Variants in NRXN1 observed in about 807,000 individuals in gnomAD.
NRXN1 encodes the protein neurexin 1.
NRXN1 carries 39 observed loss-of-function variants against 150.9 expected under a neutral mutation model. That is an observed-to-expected ratio of 0.26 (90% confidence interval 0.20 to 0.34). The LOEUF is 0.34. Ranked by LOEUF, NRXN1 falls within the 10% of genes least tolerant of loss-of-function variation. The probability of loss-of-function intolerance (pLI) is 1.00; values close to 1 mark genes in which losing one functional copy is unlikely to be tolerated. For missense variants in NRXN1, 1,815 were observed against 1,949.9 expected (o/e 0.93, Z 1.30); for synonymous variants, 924 against 757.0 (o/e 1.22, Z -3.62).
At chr2:50,790,646 ATGCAGGT>A (rs1554081860) in intron 5 of NRXN1, among the ~76,000 whole-genome samples, 1 of 152,196 alleles carries the variant, frequency 6.6e-6, no homozygotes, top group Non-Finnish European at 1.5e-5. Flanking sequence ...ATAGTGTAAA[ATGCAGGT>A]TGAGTATTCC....
chr2:50,292,889 T>G (rs991095677), intron 17 of NRXN1, among the ~76,000 whole-genome samples: 23 of 152,166 alleles, frequency 1.5e-4, no homozygotes, highest in Admixed American at 1.4e-3. Flanking sequence ...CATTCAGAAC[T>G]ACAATCAGTG....
intron 17 of NRXN1, among the ~76,000 whole-genome samples, chr2:50,326,833 T>C (rs1397471694): frequency 6.6e-6 from 1 of 152,196 alleles, no homozygotes; most frequent in East Asian, 1.9e-4. Flanking sequence ...ATTTACTGTG[T>C]TGAAACTAGG....
At chr2:50,243,784 G>T (rs1285289457) in intron 17 of NRXN1, among the ~76,000 whole-genome samples, 2 of 151,784 alleles carry the variant, frequency 1.3e-5, no homozygotes, top group African/African-American at 4.8e-5. Context: ...AAGTCTGAAA[G>T]CAGAAGAGTA....
intron 5 of NRXN1, among the ~76,000 whole-genome samples, chr2:50,812,052 G>GC (rs1472124876): frequency 6.6e-6 from 1 of 151,832 alleles, no homozygotes; most frequent in Non-Finnish European, 1.5e-5. Context: ...TCTTACCTCT[G>GC]CATGTGTGCA....
intron 22 of NRXN1, among the ~76,000 whole-genome samples, chr2:49,925,311 T>G (rs1052425857): frequency 2.0e-5 from 3 of 146,980 alleles, no homozygotes; most frequent in African/African-American, 7.5e-5. Flanking sequence ...AAGAAAGAAA[T>G]ATTTATGTAT....
At chr2:50,455,718 C>G (rs1438702846) in intron 17 of NRXN1, among the ~76,000 whole-genome samples, 1 of 152,176 alleles carries the variant, frequency 6.6e-6, no homozygotes, top group South Asian at 2.1e-4. Flanking sequence ...ATGGACCCCA[C>G]AGTTTCAGCA....
At chr2:50,500,067 C>T (rs1558838512) in intron 13 of NRXN1, among the ~76,000 whole-genome samples, 1 of 151,926 alleles carries the variant, frequency 6.6e-6, no homozygotes, top group South Asian at 2.1e-4. Context: ...CTGAAACTGT[C>T]ATGTTTCATC....
chr2:50,625,430 C>G (rs1680843221), intron 5 of NRXN1, among the ~76,000 whole-genome samples: 1 of 152,092 alleles, frequency 6.6e-6, no homozygotes, highest in Admixed American at 6.6e-5. Flanking sequence ...ATAGGAAAGA[C>G]CTCCCAATCT....
chr2:50,169,728 AG>A (rs765300025), intron 18 of NRXN1, among the ~76,000 whole-genome samples: 29,636 of 137,268 alleles, frequency 0.22, 4,118 homozygotes, highest in African/African-American at 0.39. Context: ...AAAAAAAAAA[AG>A]AAAGAAAGAA....
rs1244675212 is a variant in NRXN1, at chr2:50,623,376, C to G, written c.1072G>C (p.Val358Leu). Residue 358 changes from valine (V) to leucine (L), a missense_variant, in exon 6 of 23, where the codon GTG (valine) becomes CTG (leucine). Val to Leu is a conservative substitution (Grantham distance 32, BLOSUM62 1). Coordinates refer to ENST00000401669, the MANE Select transcript of NRXN1 (RefSeq NM_001330078.2). ...SGAFEALVEP[V>L]NGKFNDNAWH... is the part of the protein sequence containing the mutation. ...GCATTATCATTAAACTTTCCATTCA[C>G]AGGCTCCACTAGTGCTTCAAAGGCC... The G allele has an allele frequency of 6.2e-7, 1 of 1,613,312 alleles. No individual in the cohort carries two copies.
intron 5 of NRXN1, among the ~76,000 whole-genome samples, chr2:50,716,839 A>G (rs767855602): frequency 3.9e-5 from 6 of 152,188 alleles, no homozygotes; most frequent in Non-Finnish European, 7.4e-5. Context: ...CTTTATCATT[A>G]ATTTAACAAT....
chr2:50,461,414 G>A (rs1275000945), intron 17 of NRXN1, among the ~76,000 whole-genome samples: 1 of 151,962 alleles, frequency 6.6e-6, no homozygotes, highest in African/African-American at 2.4e-5. Context: ...CTAATGTAAT[G>A]TGACAATGTT....
chr2:50,048,577 C>T (rs1458144376), intron 21 of NRXN1, among the ~76,000 whole-genome samples: 1 of 152,050 alleles, frequency 6.6e-6, no homozygotes, highest in Admixed American at 6.6e-5. Context: ...TTCATGAGTA[C>T]CTCCAAAGCC....
At position 50,904,600 on chromosome 2, in the gene NRXN1, G is replaced by A. The variant is rs139033324; in HGVS notation, c.832+17269C>T. ...CCATTTACCAGTTGATTAACTTTAC[G>A]CAAAACACTTGTTATTCAGTTTCTC... is the stretch of plus-strand genomic sequence containing the variant. On this transcript the variant is annotated intron_variant, in intron 5 of 22. Coordinates refer to ENST00000401669, the MANE Select transcript of NRXN1 (RefSeq NM_001330078.2). Among the ~76,000 whole-genome samples, 535 of 152,140 alleles carry A rather than the reference G, an allele frequency of 3.5e-3. 5 individuals carry two copies. Among genetic ancestry groups the A allele is most frequent in the African/African-American group, 0.012 (503 of 41,514 alleles).
At chr2:50,430,196 T>C (rs2084847985) in intron 17 of NRXN1, among the ~76,000 whole-genome samples, 1 of 152,194 alleles carries the variant, frequency 6.6e-6, no homozygotes, top group Admixed American at 6.5e-5. Context: ...GACGGGGAGT[T>C]TAACCTAGGG....
chr2:50,522,720 A>ATTTTTTTTTTTTTTTTTT (rs869200431), intron 12 of NRXN1, among the ~76,000 whole-genome samples: 2 of 47,726 alleles, frequency 4.2e-5, no homozygotes, highest in Admixed American at 3.4e-4. Context: ...ATTTTTATTC[A>ATTTTTTTTTTTTTTTTTT]TTTTTTTTTT....
intron 21 of NRXN1, among the ~76,000 whole-genome samples, chr2:49,945,404 T>C (rs1023599868): frequency 3.3e-5 from 5 of 151,654 alleles, no homozygotes; most frequent in Non-Finnish European, 7.4e-5. Flanking sequence ...TTTTTTTTTT[T>C]ATTATACTTT....
intron 12 of NRXN1, among the ~76,000 whole-genome samples, chr2:50,527,913 T>C (rs539330614): frequency 1.3e-5 from 2 of 152,302 alleles, no homozygotes; most frequent in South Asian, 4.1e-4. Context: ...AGAAAAAACC[T>C]GAGCATTTAT....
chr2:50,269,820 C>T (rs142973892), intron 17 of NRXN1, among the ~76,000 whole-genome samples: 5 of 152,156 alleles, frequency 3.3e-5, no homozygotes, highest in African/African-American at 1.2e-4. Context: ...TAACATTGAG[C>T]CTTAAAGAGG....
Sources: gnomAD v4.1 joint callset for allele counts (sites outside exome capture counted in the v4.1 genomes callset) on GRCh38, gnomAD v4.1.1 for gene constraint, MANE v1.5 for transcripts, NCBI Gene and HGNC (gene_info 2026-07-23, HGNC 2026-07-21) for gene names.